RYR2: variants seen among roughly 807,000 people sequenced by gnomAD.
The protein encoded by RYR2 is cardiac muscle ryanodine receptor-calcium release channel.
A neutral mutation model predicts 601.1 loss-of-function variants in RYR2; 227 were observed. That is an observed-to-expected ratio of 0.38 (90% confidence interval 0.34 to 0.42). The LOEUF (loss-of-function observed/expected upper bound fraction) is 0.42. Among genes scored for constraint, RYR2 ranks in the 10% least tolerant of loss-of-function variants. The probability of loss-of-function intolerance (pLI) is 1.00; values close to 1 mark genes in which losing one functional copy is unlikely to be tolerated. For missense variants in RYR2, 4,646 were observed against 6,156.5 expected, an observed-to-expected ratio of 0.75 and a Z score of 8.21; for synonymous variants, 2,223 against 2,175.1, an observed-to-expected ratio of 1.02 and a Z score of -0.61.
At chr1:237,568,824 T>C (rs1243976741) in intron 28 of RYR2, among the ~76,000 whole-genome samples, 3 of 152,182 alleles carry the variant, frequency 2.0e-5, no homozygotes, top group Non-Finnish European at 2.9e-5. Flanking sequence ...AATGATATAT[T>C]CTAAAGGCAT....
intron 32 of RYR2, 100 bp from the exon 33 acceptor site, chr1:237,593,376 C>T (rs1675449970): frequency 2.5e-6 from 3 of 1,192,360 alleles, no homozygotes; most frequent in Middle Eastern, 2.2e-4. Context: ...GAAGTGAATT[C>T]TTAAGTCATT....
intron 3 of RYR2, among the ~76,000 whole-genome samples, chr1:237,336,870 A>T (rs10802604): frequency 0.16 from 24,792 of 151,100 alleles, 2,144 homozygotes; most frequent in East Asian, 0.33. Context: ...ATAAATAAAT[A>T]AATTAATTAA....
chr1:237,449,138 C>A lies in RYR2; in HGVS notation c.1292+3616C>A, dbSNP rs75986783. Among the ~76,000 whole-genome samples the A allele has an allele frequency of 7.5e-3, 1,139 of 152,208 alleles. 16 individuals carry two copies. The highest frequency in any genetic ancestry group is 0.026 in the African/African-American group (1,087 of 41,540). On this transcript the variant is annotated intron_variant, in intron 14 of 104. Coordinates refer to ENST00000366574, the MANE Select transcript of RYR2 (RefSeq NM_001035.3). ...TTACAAAAAATAAACCACCTAAGAA[C>A]ACTTTGTCATTGTCCCATTTCCTCC...
intron 5 of RYR2, among the ~76,000 whole-genome samples, chr1:237,365,590 G>T (rs994448657): frequency 6.6e-6 from 1 of 152,192 alleles, no homozygotes; most frequent in African/African-American, 2.4e-5. Flanking sequence ...TGAAACAAGA[G>T]TTTGGGTTGG....
chr1:237,339,914 G>A (rs1394563183), intron 3 of RYR2, among the ~76,000 whole-genome samples: 1 of 152,160 alleles, frequency 6.6e-6, no homozygotes. Flanking sequence ...CACACCCATA[G>A]CTAATTTATT....
At chr1:237,339,024 G>A (rs1324836296) in intron 3 of RYR2, among the ~76,000 whole-genome samples, 1 of 152,112 alleles carries the variant, frequency 6.6e-6, no homozygotes, top group African/African-American at 2.4e-5. Context: ...TTTCAAATAT[G>A]CTCTGTATGA....
At chr1:237,630,932 G>A (rs1680174419) in intron 41 of RYR2, among the ~76,000 whole-genome samples, 1 of 152,028 alleles carries the variant, frequency 6.6e-6, no homozygotes, top group Non-Finnish European at 1.5e-5. Context: ...TTGTCAGAAT[G>A]ATAATATGAA....
At chr1:237,465,451 G>T (rs1163687440) in intron 16 of RYR2, among the ~76,000 whole-genome samples, 1 of 152,040 alleles carries the variant, frequency 6.6e-6, no homozygotes, top group African/African-American at 2.4e-5. Context: ...TACTGCTTTT[G>T]TAAAATCAGG....
chr1:237,186,993 G>T (rs1679415850), intron 1 of RYR2, among the ~76,000 whole-genome samples: 1 of 152,138 alleles, frequency 6.6e-6, no homozygotes, highest in African/African-American at 2.4e-5. Flanking sequence ...TCTGGGACTT[G>T]CCCTGACAAG....
chr1:237,798,606 C>G (rs1449105677), intron 97 of RYR2, among the ~76,000 whole-genome samples: 2 of 152,122 alleles, frequency 1.3e-5, no homozygotes, highest in African/African-American at 4.8e-5. Flanking sequence ...TATTACTTTA[C>G]TATAAGTATT....
intron 100 of RYR2, among the ~76,000 whole-genome samples, chr1:237,818,323 A>C (rs1210980996): frequency 2.0e-5 from 3 of 152,174 alleles, no homozygotes; most frequent in Admixed American, 2.0e-4. Context: ...CATACAGTGC[A>C]CAGGATAGCC....
intron 57 of RYR2, 68 bp from the exon 58 acceptor site, chr1:237,667,812 ATAT>A: frequency 8.8e-7 from 1 of 1,130,150 alleles, no homozygotes; most frequent in Admixed American, 2.4e-5. Flanking sequence ...ACGGTATCTA[ATAT>A]TATATATTAG....
At chr1:237,811,877 G>C (rs1323819773) in intron 100 of RYR2, among the ~76,000 whole-genome samples, 1 of 152,166 alleles carries the variant, frequency 6.6e-6, no homozygotes, top group Non-Finnish European at 1.5e-5. Context: ...GGAGGACACG[G>C]AGTATCAGAG....
rs141159415 is a variant in RYR2 at position 237,224,161 on chromosome 1, A to G, written c.49-46336A>G. On this transcript the variant is annotated intron_variant, in intron 1 of 104. Transcript: ENST00000366574. Reference sequence around the variant, plus strand: ...TCTACTTATACGTGGAATTTTTTCAATGAATATATTGGAAACCTTTTTGGG... The same window carrying G: ...TCTACTTATACGTGGAATTTTTTCAGTGAATATATTGGAAACCTTTTTGGG... Among the ~76,000 whole-genome samples the G allele has an allele frequency of 1.4e-4, 22 of 152,334 alleles. No homozygotes were observed. The East Asian group carries it at 3.1e-3, about 21-fold the overall frequency.
chr1:237,545,097 C>G (rs1043219116), intron 25 of RYR2, among the ~76,000 whole-genome samples: 2 of 152,196 alleles, frequency 1.3e-5, no homozygotes, highest in Admixed American at 1.3e-4. Context: ...TAGTTTACAT[C>G]TGAAGATGAA....
chr1:237,354,370 T>C (rs1326864506), intron 3 of RYR2, among the ~76,000 whole-genome samples: 1 of 152,040 alleles, frequency 6.6e-6, no homozygotes, highest in African/African-American at 2.4e-5. Flanking sequence ...TATGCATGTG[T>C]GAATGTCTGA....
At chr1:237,481,107 C>CATAT (rs376529507) in intron 17 of RYR2, among the ~76,000 whole-genome samples, 49 of 143,082 alleles carry the variant, frequency 3.4e-4, no homozygotes, top group South Asian at 1.5e-3. Flanking sequence ...TGTATATATA[C>CATAT]ATATATATAT....
intron 29 of RYR2, among the ~76,000 whole-genome samples, chr1:237,576,717 T>G (rs919713796): frequency 1.3e-5 from 2 of 152,016 alleles, no homozygotes; most frequent in African/African-American, 4.8e-5. Context: ...CAGGTATTAA[T>G]GGGGAGAAGC....
At chr1:237,498,880 T>A (rs1664346744) in intron 20 of RYR2, among the ~76,000 whole-genome samples, 1 of 152,186 alleles carries the variant, frequency 6.6e-6, no homozygotes, top group African/African-American at 2.4e-5. Context: ...TTTTTTTAAA[T>A]GGCAAGAAAA....
Sources: gnomAD v4.1 joint callset for allele counts (sites outside exome capture counted in the v4.1 genomes callset) on GRCh38, gnomAD v4.1.1 for gene constraint, MANE v1.5 for transcripts, NCBI Gene and HGNC (gene_info 2026-07-23, HGNC 2026-07-21) for gene names.